Variants in SP4 observed in about 807,000 individuals in gnomAD.
SP4 encodes the protein transcription factor Sp4.
In SP4, 19 loss-of-function variants were observed where a neutral mutation model predicts 72.8. That is an observed-to-expected ratio of 0.26 (90% confidence interval 0.18 to 0.38). The LOEUF is 0.38. Among genes scored for constraint, SP4 ranks in the 10% least tolerant of loss-of-function variants. The pLI, the probability that SP4 is intolerant of heterozygous loss-of-function variation, is 1.00. For missense variants in SP4, 1,008 were observed against 926.3 expected (o/e 1.09, Z -1.14); for synonymous variants, 395 against 333.1 (o/e 1.19, Z -2.02).
rs1211188826 is a variant in SP4, at chr7:21,489,568, T to C, written c.2107+7445T>C. Reference sequence around the variant, plus strand: ...TTTCTTTTTTCTTTTTTTTTTTTTTTTTTTTTTTTGAGATGGAGTCTCGCT... The same window carrying C: ...TTTCTTTTTTCTTTTTTTTTTTTTTCTTTTTTTTTGAGATGGAGTCTCGCT... On this transcript the variant is annotated intron_variant, in intron 5 of 5. Transcript: ENST00000222584. Among the ~76,000 whole-genome samples the C allele has an allele frequency of 8.3e-5, 12 of 145,286 alleles. 1 individual carries two copies. The highest frequency in any genetic ancestry group is 2.0e-4 in the East Asian group (1 of 5,024).
intron 3 of SP4, among the ~76,000 whole-genome samples, chr7:21,442,521 G>C (rs1270361472): frequency 6.6e-6 from 1 of 152,074 alleles, no homozygotes; most frequent in Non-Finnish European, 1.5e-5. Context: ...GTGGTGTTTG[G>C]TTTATACAAG....
At chr7:21,458,797 A>C (rs1029788695) in intron 3 of SP4, among the ~76,000 whole-genome samples, 1 of 151,210 alleles carries the variant, frequency 6.6e-6, no homozygotes, top group African/African-American at 2.4e-5. Context: ...CCCTCCCCCC[A>C]CACACGATAT....
In SP4 at chr7:21,430,680, A is replaced by G. The variant is rs1274135797; in HGVS notation, c.1515A>G (p.Thr505=). ...TITPVSSSGG[T]TLAQIAPVAV... ...CCCCAGTGTCTTCAAGTGGTGGCACAACTCTTGCTCAGATTGCTCCTGTGG... is the reference window on the plus strand; with the variant it reads ...CCCCAGTGTCTTCAAGTGGTGGCACGACTCTTGCTCAGATTGCTCCTGTGG... The change falls in exon 3 of 6, where the codon ACA becomes ACG. Residue 505 remains threonine (T), a synonymous_variant. Coordinates refer to ENST00000222584, the MANE Select transcript of SP4 (RefSeq NM_003112.5). 2 of 1,614,206 alleles carry G rather than the reference A, an allele frequency of 1.2e-6. No individual in the cohort carries two copies. Among genetic ancestry groups the G allele is most frequent in the South Asian group, 1.1e-5 (1 of 91,084 alleles).
chr7:21,513,477 T>C lies in SP4; in HGVS notation c.*2208T>C, dbSNP rs186029474. ...ATCAGAATTGGTTTGTTGTTTTGTT[T>C]GGTACAGAGGAGCATTTGGTAGTGT... On this transcript the variant is annotated 3_prime_UTR_variant, in exon 6 of 6. Coordinates refer to ENST00000222584, the MANE Select transcript of SP4 (RefSeq NM_003112.5). 4.9e-3 allele frequency: 741 copies of C among 152,774 alleles called. 3 individuals carry two copies. The highest frequency in any genetic ancestry group is 8.0e-3 in the Non-Finnish European group (543 of 68,014). The allele number at this position is 152,774 out of a possible 1,614,324, so 9.5% of individuals were successfully genotyped here. A position where few individuals can be genotyped will look rare whatever the true frequency, so the allele number is the denominator to read the frequency against.
At position 21,513,848 on chromosome 7, in the gene SP4, T is replaced by G. The variant is rs1321541309; in HGVS notation, c.*2579T>G. ...TGTTAGCAGGTGCACATTTCACCAC[T>G]GAAATTAGAAATATTTTGACAGTCT... On this transcript the variant is annotated 3_prime_UTR_variant, in exon 6 of 6. Transcript: ENST00000222584. 6.6e-6 allele frequency: 1 copy of G among 152,210 alleles called. No individual in the cohort carries two copies. Among genetic ancestry groups the G allele is most frequent in the Non-Finnish European group, 1.5e-5 (1 of 68,010 alleles). 9.4% of individuals were successfully genotyped at this position (152,210 alleles called of 1,614,324 possible).
intron 3 of SP4, chr7:21,471,018 T>G (rs1485535556): frequency 7.5e-6 from 4 of 533,346 alleles, no homozygotes; most frequent in South Asian, 4.2e-5. Flanking sequence ...CCAAGGGAGA[T>G]GGAGGTTTGG....
In SP4 at chr7:21,429,574, C is replaced by G. The variant is rs1484627472; in HGVS notation, c.409C>G (p.Pro137Ala). ...CAGCAGTAATAACGGGAGTGCATCTCCTACAAAAACTAAATCAGGTAATTC... is the reference window on the plus strand; with the variant it reads ...CAGCAGTAATAACGGGAGTGCATCTGCTACAAAAACTAAATCAGGTAATTC... ...SSSSNNGSAS[P>A]TKTKSGNSST... The change falls in exon 3 of 6, where the codon CCT (proline) becomes GCT (alanine). Residue 137 changes from proline (P) to alanine (A), a missense_variant. By Grantham distance (27) the Pro-to-Ala change is conservative. Coordinates refer to ENST00000222584, the MANE Select transcript of SP4 (RefSeq NM_003112.5). 1 of 1,614,028 alleles carries G rather than the reference C, an allele frequency of 6.2e-7. No individual in the cohort carries two copies. The highest frequency in any genetic ancestry group is 8.5e-7 in the Non-Finnish European group (1 of 1,180,012).
intron 3 of SP4, among the ~76,000 whole-genome samples, chr7:21,431,962 G>T (rs1782870577): frequency 6.6e-6 from 1 of 152,220 alleles, no homozygotes; most frequent in Non-Finnish European, 1.5e-5. Context: ...TAAATTGCCA[G>T]ATAAAGCCTT....
chr7:21,458,149 G>A (rs774094001), intron 3 of SP4, among the ~76,000 whole-genome samples: 1 of 151,850 alleles, frequency 6.6e-6, no homozygotes, highest in South Asian at 2.1e-4. Context: ...ATTTAAATAA[G>A]TCTTTTCCAT....
At chr7:21,488,396 G>C (rs1784879525) in intron 5 of SP4, among the ~76,000 whole-genome samples, 1 of 150,934 alleles carries the variant, frequency 6.6e-6, no homozygotes, top group Non-Finnish European at 1.5e-5. Flanking sequence ...CTGTCTTCTA[G>C]AACATATTCT....
chr7:21,452,482 G>A (rs1335919647), intron 3 of SP4, among the ~76,000 whole-genome samples: 1 of 152,142 alleles, frequency 6.6e-6, no homozygotes, highest in African/African-American at 2.4e-5. Flanking sequence ...GCCACAGGTC[G>A]GGAATCCTGT....
At chr7:21,460,537 G>A (rs948375817) in intron 3 of SP4, among the ~76,000 whole-genome samples, 2 of 152,216 alleles carry the variant, frequency 1.3e-5, no homozygotes, top group South Asian at 2.1e-4. Flanking sequence ...AGCTTCCACA[G>A]TATGGAAGGG....
intron 3 of SP4, among the ~76,000 whole-genome samples, chr7:21,475,507 G>A (rs112609898): frequency 1.4e-3 from 220 of 151,732 alleles, no homozygotes; most frequent in African/African-American, 5.0e-3. Flanking sequence ...TCGCTCTGTC[G>A]CCCAGGCTGC....
rs373264252 is a variant in SP4 at position 21,429,905 on chromosome 7, C to A, written c.740C>A (p.Pro247His). The part of the protein sequence containing the change: ...VSIPLQLQTL[P>H]GTQAQVVTTL... The stretch of plus-strand genomic sequence containing the variant: ...ATACCACTGCAGTTACAGACTCTTC[C>A]TGGTACTCAGGCTCAAGTTGTAACA... Residue 247 changes from proline (P) to histidine (H), a missense_variant, in exon 3 of 6, where the codon CCT becomes CAT. Physicochemically the swap from Pro to His is moderately conservative, Grantham distance 77 (BLOSUM62 -2). This residue lies in a region of SP4 where 893 missense variants were observed against 743.3 expected (regional missense o/e 1.20). Coordinates refer to ENST00000222584, the MANE Select transcript of SP4 (RefSeq NM_003112.5). The A allele has an allele frequency of 3.0e-5, 49 of 1,614,004 alleles. No homozygotes were observed. The highest frequency in any genetic ancestry group is 3.9e-5 in the Non-Finnish European group (46 of 1,179,984).
intron 3 of SP4, among the ~76,000 whole-genome samples, chr7:21,441,810 A>T (rs532550101): frequency 1.1e-4 from 17 of 152,218 alleles, no homozygotes; most frequent in Non-Finnish European, 1.9e-4. Context: ...TTAGGTAAAA[A>T]CATCAGGTTG....
chr7:21,441,550 T>C (rs1364100032), intron 3 of SP4, among the ~76,000 whole-genome samples: 2 of 152,180 alleles, frequency 1.3e-5, no homozygotes, highest in Non-Finnish European at 2.9e-5. Context: ...TCTAGTGGAT[T>C]GGAGATATTG....
At chr7:21,508,075 TG>T (rs1221693499) in intron 5 of SP4, among the ~76,000 whole-genome samples, 4 of 152,156 alleles carry the variant, frequency 2.6e-5, no homozygotes, top group Non-Finnish European at 4.4e-5. Context: ...GTGTCGCCTC[TG>T]CTGCCTCCTG....
intron 3 of SP4, among the ~76,000 whole-genome samples, chr7:21,467,973 G>A (rs147850751): frequency 1.3e-5 from 2 of 152,202 alleles, no homozygotes; most frequent in Admixed American, 1.3e-4. Context: ...ATTGGTTGGT[G>A]AGTTTATTTA....
intron 3 of SP4, among the ~76,000 whole-genome samples, chr7:21,435,467 T>C (rs974004014): frequency 2.0e-5 from 3 of 152,220 alleles, no homozygotes; most frequent in African/African-American, 7.2e-5. Flanking sequence ...AATTAACTTC[T>C]TACACTGATC....
Sources: gnomAD v4.1 joint callset for allele counts (sites outside exome capture counted in the v4.1 genomes callset) on GRCh38, gnomAD v4.1.1 for gene constraint, gnomAD v4.1.1 regional missense constraint, MANE v1.5 for transcripts, NCBI Gene and HGNC (gene_info 2026-07-23, HGNC 2026-07-21) for gene names.